DLGAP2: variants seen among roughly 807,000 people sequenced by gnomAD.
The protein encoded by DLGAP2 is DLG associated protein 2.
In DLGAP2, 26 loss-of-function variants were observed where a neutral mutation model predicts 100.3. The observed-to-expected ratio is 0.26, with a 90% CI of 0.19 to 0.36. DLGAP2 has a LOEUF of 0.36. DLGAP2 is among the 10% of genes least tolerant of loss of function. The probability of loss-of-function intolerance (pLI) is 1.00; values close to 1 mark genes in which losing one functional copy is unlikely to be tolerated. For missense variants in DLGAP2, 1,858 were observed against 1,453.2 expected (o/e 1.28, Z -4.53); for synonymous variants, 886 against 630.1 (o/e 1.41, Z -6.08).
rs960483941 is a variant in DLGAP2 at position 922,522 on chromosome 8, C to G, written c.73+14556C>G. On this transcript the variant is annotated intron_variant, in intron 2 of 14. Transcript: ENST00000637795. Reference sequence around the variant, plus strand: ...TGACTTACTTCATCTTTGATGAAAACTGTTGTTTGTTGGGTTTAAAATAAA... The same window carrying G: ...TGACTTACTTCATCTTTGATGAAAAGTGTTGTTTGTTGGGTTTAAAATAAA... Among the ~76,000 whole-genome samples the G allele has an allele frequency of 3.9e-5, 6 of 152,174 alleles. No homozygotes were observed. In the East Asian group the frequency reaches 1.2e-3, roughly 29 times the overall value.
chr8:821,398 C>A (rs1483836339), intron 1 of DLGAP2, among the ~76,000 whole-genome samples: 2 of 152,124 alleles, frequency 1.3e-5, no homozygotes, highest in African/African-American at 4.8e-5. Context: ...ACTTTATCAA[C>A]CTAATAAGTC....
intron 1 of DLGAP2, among the ~76,000 whole-genome samples, chr8:756,891 T>C (rs1820935223): frequency 1.3e-5 from 2 of 152,224 alleles, no homozygotes; most frequent in Non-Finnish European, 2.9e-5. Flanking sequence ...CTTCTCTGCA[T>C]GCGGTGTTTT....
chr8:1,638,185 C>G (rs1797814074), intron 8 of DLGAP2, among the ~76,000 whole-genome samples: 1 of 152,080 alleles, frequency 6.6e-6, no homozygotes, highest in African/African-American at 2.4e-5. Flanking sequence ...GAGTTGTGTT[C>G]CCCGGACTTG....
chr8:1,224,707 T>C (rs762290341), intron 2 of DLGAP2, among the ~76,000 whole-genome samples: 22 of 152,226 alleles, frequency 1.4e-4, no homozygotes, highest in Non-Finnish European at 2.5e-4. Context: ...TGAATTATAG[T>C]GTCTATAATA....
chr8:1,173,510 C>T (rs1797178044), intron 2 of DLGAP2, among the ~76,000 whole-genome samples: 1 of 152,204 alleles, frequency 6.6e-6, no homozygotes, highest in African/African-American at 2.4e-5. Context: ...GGCAGGCAGG[C>T]CTCCTTGAGC....
intron 3 of DLGAP2, among the ~76,000 whole-genome samples, chr8:1,276,461 G>C (rs953764717): frequency 6.6e-6 from 1 of 152,116 alleles, no homozygotes; most frequent in Non-Finnish European, 1.5e-5. Flanking sequence ...AGGGTGAGGG[G>C]GGACGGGAGG....
At chr8:1,186,750 C>A (rs748499393) in intron 2 of DLGAP2, among the ~76,000 whole-genome samples, 1 of 152,112 alleles carries the variant, frequency 6.6e-6, no homozygotes, top group African/African-American at 2.4e-5. Context: ...GTCGTCGCCT[C>A]CCCTGGCTCT....
chr8:1,663,166 T>A (rs1469428183), intron 8 of DLGAP2, among the ~76,000 whole-genome samples: 1 of 148,508 alleles, frequency 6.7e-6, no homozygotes, highest in Non-Finnish European at 1.5e-5. Context: ...GATGTGTGCC[T>A]GTGTGTACAC....
chr8:1,329,776 C>G (rs866187493), intron 3 of DLGAP2, among the ~76,000 whole-genome samples: 3 of 152,298 alleles, frequency 2.0e-5, no homozygotes, highest in South Asian at 2.1e-4. Context: ...TGCCTGAGCC[C>G]AAGTTAGCAC....
chr8:1,389,317 G>A (rs1796293412), intron 3 of DLGAP2, among the ~76,000 whole-genome samples: 3 of 82,484 alleles, frequency 3.6e-5, no homozygotes, highest in South Asian at 3.5e-4. Flanking sequence ...GGAAGGCGAC[G>A]TGGCTTCCTC....
At chr8:896,705 T>A (rs1798149565) in intron 1 of DLGAP2, among the ~76,000 whole-genome samples, 1 of 152,102 alleles carries the variant, frequency 6.6e-6, no homozygotes, top group African/African-American at 2.4e-5. Context: ...AGGCACCATC[T>A]GAGCCCGGAA....
chr8:1,700,018 T>C (rs139148349), intron 14 of DLGAP2, among the ~76,000 whole-genome samples: 102 of 152,124 alleles, frequency 6.7e-4, no homozygotes, highest in Non-Finnish European at 1.3e-3. Context: ...AATGAACTGA[T>C]CCCCCCCATT....
intron 2 of DLGAP2, among the ~76,000 whole-genome samples, chr8:1,155,287 G>C (rs555348751): frequency 6.6e-6 from 1 of 152,150 alleles, no homozygotes; most frequent in African/African-American, 2.4e-5. Flanking sequence ...TCTTCCCGGA[G>C]GGAGTGGTTT....
intron 5 of DLGAP2, among the ~76,000 whole-genome samples, chr8:1,560,221 A>G (rs1802113410): frequency 6.6e-6 from 1 of 152,230 alleles, no homozygotes; most frequent in South Asian, 2.1e-4. Context: ...CACATAACAC[A>G]GTTACATCTT....
At chr8:1,064,528 G>A (rs571216922) in intron 2 of DLGAP2, among the ~76,000 whole-genome samples, 2 of 152,274 alleles carry the variant, frequency 1.3e-5, no homozygotes, top group Admixed American at 6.5e-5. Context: ...TATTTAACTG[G>A]CATTGATAAC....
chr8:1,256,885 C>T (rs780559771), intron 2 of DLGAP2, among the ~76,000 whole-genome samples: 1 of 152,154 alleles, frequency 6.6e-6, no homozygotes, highest in Admixed American at 6.5e-5. Context: ...CCTCCCTCCA[C>T]AGGCCTTGTG....
Position 1,417,697 on chromosome 8 carries a change from C to CGGGGAGGCCA in DLGAP2, c.107-83669_107-83668insGGGGAGGCCA, listed in dbSNP as rs376235081. On this transcript the variant is annotated intron_variant, in intron 3 of 14. Transcript: ENST00000637795. ...AGGCTCCAGGGGGGCACAGGGGGCC[C>CGGGGAGGCCA]CACTCCTGCCTCACTCGGCGAGGCT... Among the ~76,000 whole-genome samples, 17 of 76,832 alleles carry CGGGGAGGCCA rather than the reference C, an allele frequency of 2.2e-4. 1 individual carries two copies. The highest frequency in any genetic ancestry group is 5.5e-4 in the South Asian group (1 of 1,832). The allele number at this position is 76,832 out of a possible 152,430, so 50.4% of individuals were successfully genotyped here. A position where few individuals can be genotyped will look rare whatever the true frequency, so the allele number is the denominator to read the frequency against.
chr8:1,408,761 A>C (rs1244302732), intron 3 of DLGAP2, among the ~76,000 whole-genome samples: 1 of 151,610 alleles, frequency 6.6e-6, no homozygotes, highest in Non-Finnish European at 1.5e-5. Context: ...GGTTTTGGGA[A>C]CTCGTGGCAG....
intron 1 of DLGAP2, among the ~76,000 whole-genome samples, chr8:890,278 C>T (rs528870395): frequency 6.6e-6 from 1 of 152,310 alleles, no homozygotes; most frequent in East Asian, 1.9e-4. Context: ...CATGCACGTG[C>T]ACGCGCATGG....
Sources: allele counts gnomAD v4.1 joint callset (sites outside exome capture counted in the v4.1 genomes callset), GRCh38; gene constraint gnomAD v4.1.1; transcripts MANE v1.5; gene names NCBI Gene and HGNC (gene_info 2026-07-23, HGNC 2026-07-21).